LIMCH1: variants seen among roughly 807,000 people sequenced by gnomAD.
LIMCH1 encodes LIM and calponin homology domains-containing protein 1.
In LIMCH1, 113 loss-of-function variants were observed where a neutral mutation model predicts 176.5. The ratio of observed to expected loss-of-function variants is 0.64; its 90% CI spans 0.55 to 0.75. The LOEUF (loss-of-function observed/expected upper bound fraction) is 0.75, where lower values mean the gene tolerates loss of function less well. Among genes scored for constraint, LIMCH1 ranks in the 30% least tolerant of loss-of-function variants. The pLI is 0.00. For missense variants in LIMCH1, 1,674 were observed against 1,814.9 expected, an observed-to-expected ratio of 0.92 and a Z score of 1.41; for synonymous variants, 619 against 645.9, an observed-to-expected ratio of 0.96 and a Z score of 0.63.
At chr4:41,666,095 T>C (rs2094812615) in intron 20 of LIMCH1, among the ~76,000 whole-genome samples, 1 of 152,322 alleles carries the variant, frequency 6.6e-6, no homozygotes, top group South Asian at 2.1e-4. Flanking sequence ...TGGGGGGTTA[T>C]GTAATGTCTT....
At chr4:41,422,956 G>A (rs1361951610) in intron 1 of LIMCH1, among the ~76,000 whole-genome samples, 1 of 151,924 alleles carries the variant, frequency 6.6e-6, no homozygotes, top group Non-Finnish European at 1.5e-5. Flanking sequence ...ATGGGGTTTC[G>A]CTATGTTGCT....
At chr4:41,595,089 T>G in intron 1 of LIMCH1, among the ~76,000 whole-genome samples, 1 of 152,222 alleles carries the variant, frequency 6.6e-6, no homozygotes, top group East Asian at 1.9e-4. Context: ...TTATTTACTG[T>G]TCCTGAATGG....
intron 20 of LIMCH1, among the ~76,000 whole-genome samples, chr4:41,666,212 A>G (rs991593197): frequency 1.3e-5 from 2 of 152,218 alleles, no homozygotes; most frequent in Non-Finnish European, 2.9e-5. Context: ...CTGACATTAC[A>G]GATTCAGTTT....
chr4:41,581,828 A>AAAAAAAAAAAAAAAAAAC (rs2085527320), intron 1 of LIMCH1, among the ~76,000 whole-genome samples: 9 of 150,468 alleles, frequency 6.0e-5, no homozygotes, highest in Non-Finnish European at 1.3e-4. Context: ...AAAAAAAAAA[A>AAAAAAAAAAAAAAAAAAC]AACAACAGCA....
At chr4:41,695,225 A>T (rs377525049) in intron 31 of LIMCH1, among the ~76,000 whole-genome samples, 1 of 151,336 alleles carries the variant, frequency 6.6e-6, no homozygotes, top group African/African-American at 2.4e-5. Context: ...TATTTAATAC[A>T]TATAAAAGAA....
intron 1 of LIMCH1, among the ~76,000 whole-genome samples, chr4:41,592,758 T>C (rs77168305): frequency 0.019 from 2,913 of 152,312 alleles, 98 homozygotes; most frequent in African/African-American, 0.066. Flanking sequence ...TTAGGAACTA[T>C]GCCCAAGGAC....
At chr4:41,536,221 A>G (rs993483840), upstream of LIMCH1, among the ~76,000 whole-genome samples, 8 of 152,216 alleles carry the variant, frequency 5.3e-5, no homozygotes, top group African/African-American at 1.7e-4. Flanking sequence ...GGAAAAAAAT[A>G]CCACCAAATG....
chr4:41,533,300 C>G (rs56401407), upstream of LIMCH1, among the ~76,000 whole-genome samples: 1 of 152,166 alleles, frequency 6.6e-6, no homozygotes, highest in Non-Finnish European at 1.5e-5. Context: ...CTAGGCCCAG[C>G]CCACATTCAA....
At chr4:41,446,173 G>GA (rs2063270407) in intron 1 of LIMCH1, among the ~76,000 whole-genome samples, 1 of 152,108 alleles carries the variant, frequency 6.6e-6, no homozygotes, top group Non-Finnish European at 1.5e-5. Flanking sequence ...ATCGTGGGGA[G>GA]AAAAATCTCT....
intron 1 of LIMCH1, among the ~76,000 whole-genome samples, chr4:41,459,342 C>G (rs983663197): frequency 1.3e-5 from 2 of 152,008 alleles, no homozygotes; most frequent in African/African-American, 4.8e-5. Context: ...GCTCTGTCAC[C>G]CAGGCTGGAG....
intron 1 of LIMCH1, among the ~76,000 whole-genome samples, chr4:41,397,600 A>T (rs1435343062): frequency 6.6e-6 from 1 of 152,156 alleles, no homozygotes; most frequent in East Asian, 1.9e-4. Context: ...TAAAAGCAGT[A>T]TGAAAATTTT....
chr4:41,532,862 AAAC>A (rs1307995325), intron 3 of LIMCH1, among the ~76,000 whole-genome samples: 2 of 152,188 alleles, frequency 1.3e-5, no homozygotes, highest in Non-Finnish European at 2.9e-5. Context: ...TAGTGGCTTA[AAAC>A]AACAACATTT....
chr4:41,444,353 C>T (rs73810241), intron 1 of LIMCH1, among the ~76,000 whole-genome samples: 11,998 of 126,490 alleles, frequency 0.095, 1,631 homozygotes, highest in African/African-American at 0.3. Context: ...CACACACACA[C>T]ATATATAGAG....
At chr4:41,559,567 C>CA (rs1347031726) in intron 1 of LIMCH1, among the ~76,000 whole-genome samples, 1 of 152,104 alleles carries the variant, frequency 6.6e-6, no homozygotes, top group Non-Finnish European at 1.5e-5. Context: ...CAACTCGTTG[C>CA]AAAAATAGTC....
At chr4:41,592,165 G>A (rs930907054) in intron 1 of LIMCH1, among the ~76,000 whole-genome samples, 2 of 152,212 alleles carry the variant, frequency 1.3e-5, no homozygotes, top group African/African-American at 4.8e-5. Context: ...GAGGACAAGT[G>A]CACCTGGCAT....
chr4:41,364,540 C>A (rs1302524351), intron 1 of LIMCH1, among the ~76,000 whole-genome samples: 1 of 152,194 alleles, frequency 6.6e-6, no homozygotes, highest in Non-Finnish European at 1.5e-5. Context: ...CTAGATGCTA[C>A]ATGTCACTCT....
chr4:41,494,381 A>G (rs1250227829), intron 1 of LIMCH1, among the ~76,000 whole-genome samples: 1 of 150,846 alleles, frequency 6.6e-6, no homozygotes, highest in Non-Finnish European at 1.5e-5. Context: ...ATATATACAC[A>G]TACATACATA....
At chr4:41,594,497 A>C (rs1361254053) in intron 1 of LIMCH1, among the ~76,000 whole-genome samples, 1 of 152,210 alleles carries the variant, frequency 6.6e-6, no homozygotes, top group East Asian at 1.9e-4. Flanking sequence ...TGTGAACAGC[A>C]AGGCAGATGA....
At chr4:41,456,886 G>A (rs1290629359) in intron 1 of LIMCH1, among the ~76,000 whole-genome samples, 8 of 152,212 alleles carry the variant, frequency 5.3e-5, no homozygotes, top group Admixed American at 3.9e-4. Context: ...CCACCATACC[G>A]ACATGTGGCC....
Sources: allele counts gnomAD v4.1 joint callset (sites outside exome capture counted in the v4.1 genomes callset), GRCh38; gene constraint gnomAD v4.1.1; transcripts MANE v1.5; gene names NCBI Gene and HGNC (gene_info 2026-07-23, HGNC 2026-07-21).